The following CNIH3 variants were observed in gnomAD, a reference collection of about 807,000 sequenced individuals.
CNIH3 encodes cornichon family AMPA receptor auxiliary protein 3.
A neutral mutation model predicts 24.1 loss-of-function variants in CNIH3; 14 were observed. The observed-to-expected ratio is 0.58, with a 90% CI of 0.38 to 0.91. CNIH3 has a LOEUF of 0.91. Among genes scored for constraint, CNIH3 ranks in the 40% least tolerant of loss-of-function variants. The probability of loss-of-function intolerance (pLI) is 0.00; values close to 1 mark genes in which losing one functional copy is unlikely to be tolerated. For missense variants in CNIH3, 178 were observed against 196.8 expected (o/e 0.90, Z 0.57); for synonymous variants, 68 against 73.8 (o/e 0.92, Z 0.40).
intron 3 of CNIH3, among the ~76,000 whole-genome samples, chr1:224,593,757 C>T (rs1681862045): frequency 6.6e-6 from 1 of 152,112 alleles, no homozygotes; most frequent in Admixed American, 6.6e-5. Flanking sequence ...AAAAGTACTT[C>T]CATTGAACAC....
At chr1:224,679,775 C>A (rs1686311786) in intron 1 of CNIH3, among the ~76,000 whole-genome samples, 2 of 152,208 alleles carry the variant, frequency 1.3e-5, no homozygotes, top group Admixed American at 1.3e-4. Flanking sequence ...TTACTGTCAG[C>A]CCCATGTTGC....
At chr1:224,701,669 T>C (rs1370673209) in intron 3 of CNIH3, among the ~76,000 whole-genome samples, 1 of 152,204 alleles carries the variant, frequency 6.6e-6, no homozygotes, top group Non-Finnish European at 1.5e-5. Flanking sequence ...AGGTATTATA[T>C]GTGGTATAAT....
intron 3 of CNIH3, among the ~76,000 whole-genome samples, chr1:224,701,091 A>G (rs954867958): frequency 2.6e-5 from 4 of 151,978 alleles, no homozygotes; most frequent in Admixed American, 1.3e-4. Flanking sequence ...CTGACCACCC[A>G]TGGTGCTATG....
At chr1:224,445,760 C>T (rs1675135537) in intron 1 of CNIH3, among the ~76,000 whole-genome samples, 1 of 152,022 alleles carries the variant, frequency 6.6e-6, no homozygotes, top group African/African-American at 2.4e-5. Context: ...TAATGAAATC[C>T]AGTTCATCAG....
chr1:224,491,589 T>G (rs765531590), intron 1 of CNIH3, among the ~76,000 whole-genome samples: 2 of 152,114 alleles, frequency 1.3e-5, no homozygotes, highest in Non-Finnish European at 2.9e-5. Context: ...ATAAATTCAT[T>G]TATTTACTTT....
At chr1:224,707,051 C>G (rs779121199) in intron 3 of CNIH3, among the ~76,000 whole-genome samples, 2 of 147,416 alleles carry the variant, frequency 1.4e-5, no homozygotes, top group Non-Finnish European at 3.0e-5. Context: ...GCAACCTCTA[C>G]CTCGTGAGTT....
At chr1:224,637,718 A>G (rs1476572666) in intron 1 of CNIH3, among the ~76,000 whole-genome samples, 1 of 152,134 alleles carries the variant, frequency 6.6e-6, no homozygotes, top group Non-Finnish European at 1.5e-5. Flanking sequence ...TGTTGCTCAC[A>G]TAGTTAGCAT....
chr1:224,469,964 A>T (rs1214528233), intron 1 of CNIH3, among the ~76,000 whole-genome samples: 2 of 152,136 alleles, frequency 1.3e-5, no homozygotes, highest in Non-Finnish European at 2.9e-5. Flanking sequence ...TATGGTTTTT[A>T]AAAAACTGGG....
At chr1:224,540,277 A>G (rs562385596), downstream of CNIH3, among the ~76,000 whole-genome samples, 4 of 152,162 alleles carry the variant, frequency 2.6e-5, no homozygotes, top group Non-Finnish European at 5.9e-5. Flanking sequence ...AATGCAACCA[A>G]AGTAGTTTCT....
intron 3 of CNIH3, among the ~76,000 whole-genome samples, chr1:224,561,457 A>G (rs1205337535): frequency 2.0e-5 from 3 of 152,126 alleles, no homozygotes; most frequent in Non-Finnish European, 4.4e-5. Flanking sequence ...TTGAGAAGCT[A>G]TCTTTTCCTC....
intron 1 of CNIH3, among the ~76,000 whole-genome samples, chr1:224,503,967 G>A (rs1317421428): frequency 2.6e-5 from 4 of 152,248 alleles, no homozygotes; most frequent in East Asian, 3.8e-4. Flanking sequence ...GGGTGGAGGG[G>A]ACTTGAGGAC....
intron 1 of CNIH3, among the ~76,000 whole-genome samples, chr1:224,645,830 C>A (rs1308226175): frequency 6.6e-6 from 1 of 152,174 alleles, no homozygotes; most frequent in Non-Finnish European, 1.5e-5. Flanking sequence ...CTCTGGCCAT[C>A]TCGCTCCAAG....
At chr1:224,522,385 G>A (rs899310913) in intron 2 of CNIH3, among the ~76,000 whole-genome samples, 3 of 152,168 alleles carry the variant, frequency 2.0e-5, no homozygotes, top group African/African-American at 7.2e-5. Flanking sequence ...ACTAAAATTG[G>A]GAAGGAGCTG....
chr1:224,551,332 A>AC (rs1328244536), intron 3 of CNIH3, among the ~76,000 whole-genome samples: 1 of 152,208 alleles, frequency 6.6e-6, no homozygotes, highest in Admixed American at 6.6e-5. Flanking sequence ...CAAATGTCCA[A>AC]CAATGATAGA....
intron 1 of CNIH3, among the ~76,000 whole-genome samples, chr1:224,666,780 A>G (rs919782868): frequency 6.6e-6 from 1 of 152,212 alleles, no homozygotes; most frequent in African/African-American, 2.4e-5. Flanking sequence ...TTATCATTCA[A>G]GTCCTAGTAT....
chr1:224,472,089 C>G (rs1167955097), intron 1 of CNIH3, among the ~76,000 whole-genome samples: 2 of 152,088 alleles, frequency 1.3e-5, no homozygotes, highest in Non-Finnish European at 2.9e-5. Context: ...ATTTCCCTAG[C>G]AATGGGATGT....
At chr1:224,642,304 C>G (rs1274257418) in intron 1 of CNIH3, among the ~76,000 whole-genome samples, 1 of 152,152 alleles carries the variant, frequency 6.6e-6, no homozygotes, top group African/African-American at 2.4e-5. Flanking sequence ...GATTATGGCT[C>G]ACTGCAGCCT....
intron 1 of CNIH3, among the ~76,000 whole-genome samples, chr1:224,445,848 T>C (rs1266669507): frequency 1.3e-5 from 2 of 152,224 alleles, no homozygotes; most frequent in Non-Finnish European, 2.9e-5. Flanking sequence ...TATATTCTTC[T>C]GTGTTATATC....
In CNIH3 at chr1:224,461,228, C is replaced by T. The variant is rs181178836; in HGVS notation, n.203+26366C>T. On this transcript the variant is annotated intron_variant and non_coding_transcript_variant, in intron 1 of 5. Coordinates refer to the CNIH3 transcript ENST00000471578. ...ATGTTGGCCAAGCTGGTTTCGAACA[C>T]GTGACCTCAAGTGACCCACCCACCT... Among the ~76,000 whole-genome samples, 452 of 152,172 alleles carry T rather than the reference C, an allele frequency of 3.0e-3. 1 individual carries two copies. The highest frequency in any genetic ancestry group is 0.01 in the African/African-American group (417 of 41,508).
Sources: allele counts gnomAD v4.1 joint callset (sites outside exome capture counted in the v4.1 genomes callset), GRCh38; gene constraint gnomAD v4.1.1; transcripts MANE v1.5; gene names NCBI Gene and HGNC (gene_info 2026-07-23, HGNC 2026-07-21).